The following MKX variants were observed in gnomAD, a reference collection of about 807,000 sequenced individuals.
The protein encoded by MKX is homeobox protein Mohawk.
MKX carries 13 observed loss-of-function variants against 36.0 expected under a neutral mutation model. That is an observed-to-expected ratio of 0.36 (90% confidence interval 0.24 to 0.57). MKX has a LOEUF of 0.57. MKX is among the 20% of genes least tolerant of loss of function. The probability of loss-of-function intolerance (pLI) is 0.79; values close to 1 mark genes in which losing one functional copy is unlikely to be tolerated. For synonymous variants in MKX, 176 were observed against 178.3 expected (o/e 0.99, Z 0.10); for missense variants, 458 against 456.4 (o/e 1.00, Z -0.03).
At position 27,674,681 on chromosome 10, in the gene MKX, G is replaced by C. The variant is rs1454065773; in HGVS notation, c.*548C>G. 1 of 152,274 alleles carries C rather than the reference G, an allele frequency of 6.6e-6. No individual in the cohort carries two copies. The highest frequency in any genetic ancestry group is 2.4e-5 in the African/African-American group (1 of 41,432). 9.4% of individuals were successfully genotyped at this position (152,274 alleles called of 1,614,324 possible). On this transcript the variant is annotated 3_prime_UTR_variant, in exon 7 of 7. Coordinates refer to ENST00000419761, the MANE Select transcript of MKX (RefSeq NM_173576.3). ...AGTTTGTAACATATCAAATATGCAG[G>C]CAAGATACATGCATAAAATTCTCAC... is the stretch of plus-strand genomic sequence containing the variant.
chr10:27,681,935 A>G (rs1410843016), intron 5 of MKX, among the ~76,000 whole-genome samples: 1 of 152,140 alleles, frequency 6.6e-6, no homozygotes, highest in Non-Finnish European at 1.5e-5. Flanking sequence ...AAAAAAAAAA[A>G]AAGTTAACTG....
At chr10:27,684,809 C>T (rs186911841) in intron 5 of MKX, among the ~76,000 whole-genome samples, 22 of 152,264 alleles carry the variant, frequency 1.4e-4, no homozygotes, top group Admixed American at 3.3e-4. Context: ...GACCGGGGAG[C>T]GGGGGGTTTG....
Position 27,743,232 on chromosome 10 carries a change from T to A in MKX, c.184A>T (p.Thr62Ser), listed in dbSNP as rs1474855474. Residue 62 changes from threonine to serine, a missense_variant, in exon 2 of 7, where the codon ACC (threonine) becomes TCC (serine). Coordinates refer to ENST00000419761, the MANE Select transcript of MKX (RefSeq NM_173576.3). ...KDNLGLRHRR[T>S]GARQNGGKVR... ...CCCCCAGGGGAGTGCGCATACCCGG[T>A]CCTCCGGTGTCTCAGGCCGAGGTTG... The A allele has an allele frequency of 1.3e-6, 2 of 1,507,930 alleles. No homozygotes were observed. 93.4% of individuals were successfully genotyped at this position (1,507,930 alleles called of 1,614,324 possible).
intron 5 of MKX, among the ~76,000 whole-genome samples, chr10:27,727,963 T>C (rs554548696): frequency 2.6e-5 from 4 of 152,228 alleles, no homozygotes; most frequent in Non-Finnish European, 5.9e-5. Context: ...ACTGGACTTA[T>C]GTGAAATACC....
chr10:27,729,049 C>T (rs1834557693), intron 5 of MKX, among the ~76,000 whole-genome samples: 1 of 152,166 alleles, frequency 6.6e-6, no homozygotes. Context: ...CATTTCTTCC[C>T]AGGGATATTC....
chr10:27,713,062 G>A (rs924462703), intron 5 of MKX, among the ~76,000 whole-genome samples: 2 of 152,190 alleles, frequency 1.3e-5, no homozygotes, highest in Admixed American at 6.5e-5. Context: ...ATCTTCTGGC[G>A]TTTGAGGAAG....
intron 5 of MKX, among the ~76,000 whole-genome samples, chr10:27,722,969 C>T (rs1041913568): frequency 5.9e-5 from 9 of 151,912 alleles, no homozygotes; most frequent in East Asian, 1.9e-4. Context: ...GGTAATATGT[C>T]GTGAAATCAT....
At chr10:27,690,685 A>G (rs1168355297) in intron 5 of MKX, among the ~76,000 whole-genome samples, 1 of 152,108 alleles carries the variant, frequency 6.6e-6, no homozygotes, top group Non-Finnish European at 1.5e-5. Context: ...GGGCTGTGGC[A>G]CTCTGCTCCC....
At position 27,675,247 on chromosome 10, in the gene MKX, C is replaced by T. The variant is rs369236488; in HGVS notation, c.1041G>A (p.Pro347=). The T allele has an allele frequency of 3.5e-5, 56 of 1,613,564 alleles. 1 individual carries two copies. The highest frequency in any genetic ancestry group is 1.6e-4 in the African/African-American group (12 of 75,000). Reference sequence around the variant, plus strand: ...CAAGCTCTTAAAACTGCTGCACCAGCGGCACTTTGACAGTCTTTACTTCTG... The same window carrying T: ...CAAGCTCTTAAAACTGCTGCACCAGTGGCACTTTGACAGTCTTTACTTCTG... ...HIAEVKTVKV[P]LVQQF The change falls in exon 7 of 7, where the codon CCG becomes CCA. Residue 347 remains proline (P), a synonymous_variant. Transcript: ENST00000419761.
At chr10:27,687,432 A>T (rs2132504096) in intron 5 of MKX, among the ~76,000 whole-genome samples, 1 of 152,288 alleles carries the variant, frequency 6.6e-6, no homozygotes, top group South Asian at 2.1e-4. Context: ...TTCTTTCTAC[A>T]AGAGTACCAA....
chr10:27,679,669 G>T (rs920967034), intron 5 of MKX, among the ~76,000 whole-genome samples: 1 of 152,138 alleles, frequency 6.6e-6, no homozygotes, highest in African/African-American at 2.4e-5. Context: ...GGGAGTCTGG[G>T]GAGTTGTTTC....
chr10:27,681,422 C>T (rs557700508), intron 5 of MKX, among the ~76,000 whole-genome samples: 1 of 152,192 alleles, frequency 6.6e-6, no homozygotes, highest in Admixed American at 6.5e-5. Flanking sequence ...GCACTCCAGC[C>T]TGGTGACAGA....
At chr10:27,696,483 T>G (rs1036647523) in intron 5 of MKX, among the ~76,000 whole-genome samples, 1 of 152,204 alleles carries the variant, frequency 6.6e-6, no homozygotes, top group Non-Finnish European at 1.5e-5. Context: ...GTATTTGAAT[T>G]GCCTAAGCTG....
At chr10:27,692,138 T>C (rs534488154) in intron 5 of MKX, among the ~76,000 whole-genome samples, 24 of 152,344 alleles carry the variant, frequency 1.6e-4, no homozygotes, top group African/African-American at 5.5e-4. Flanking sequence ...TAATTAAATA[T>C]GAATAGCAGA....
chr10:27,743,079 C>T, intron 2 of MKX, 149 bp downstream of exon 2: 1 of 655,832 alleles, frequency 1.5e-6, no homozygotes. Context: ...TGAGAATGCG[C>T]GAGCCCTGGA....
rs1836793223 is a variant in MKX at position 27,708,369 on chromosome 10, T to C, written c.838+26087A>G. On this transcript the variant is annotated intron_variant, in intron 5 of 6. Transcript: ENST00000419761. ...AAGCCCACAGAAATTAATAATGGTT[T>C]ATTGTGCACCATTAATGTATTTGTT... 2.0e-5 allele frequency among the ~76,000 whole-genome samples: 3 copies of C among 152,212 alleles called. No homozygotes were observed. In the South Asian group the frequency reaches 6.2e-4, roughly 31 times the overall value.
At chr10:27,704,697 C>T (rs976934448) in intron 5 of MKX, among the ~76,000 whole-genome samples, 20 of 151,994 alleles carry the variant, frequency 1.3e-4, no homozygotes, top group African/African-American at 4.6e-4. Flanking sequence ...ATACCTCAAA[C>T]GAAGATATTC....
At chr10:27,732,733 A>G (rs1035907873) in intron 5 of MKX, among the ~76,000 whole-genome samples, 8 of 152,144 alleles carry the variant, frequency 5.3e-5, no homozygotes, top group African/African-American at 1.7e-4. Context: ...CACAACAGTC[A>G]GATGTTAATA....
intron 5 of MKX, among the ~76,000 whole-genome samples, chr10:27,690,557 C>T (rs1836436159): frequency 6.6e-6 from 1 of 152,176 alleles, no homozygotes; most frequent in African/African-American, 2.4e-5. Flanking sequence ...CACACTATAT[C>T]TAGGTTTCTT....
Sources: gnomAD v4.1 joint callset for allele counts (sites outside exome capture counted in the v4.1 genomes callset) on GRCh38, gnomAD v4.1.1 for gene constraint, MANE v1.5 for transcripts, NCBI Gene and HGNC (gene_info 2026-07-23, HGNC 2026-07-21) for gene names.